Variants in SMAD4 observed in about 807,000 individuals in gnomAD.
SMAD4 encodes MAD homolog 4.
A neutral mutation model predicts 63.2 loss-of-function variants in SMAD4; 7 were observed. That is an observed-to-expected ratio of 0.11 (90% confidence interval 0.06 to 0.21). SMAD4 has a LOEUF of 0.21. Ranked by LOEUF, SMAD4 falls within the 10% of genes least tolerant of loss-of-function variation. SMAD4 has a pLI of 1.00. For missense variants in SMAD4, 312 were observed against 693.8 expected (o/e 0.45, Z 6.18); for synonymous variants, 215 against 235.4 (o/e 0.91, Z 0.79).
intron 10 of SMAD4, among the ~76,000 whole-genome samples, chr18:51,073,384 TATATACACACACACAC>T (rs935778182): frequency 4.7e-5 from 4 of 85,742 alleles, no homozygotes; most frequent in South Asian, 3.8e-4. Context: ...TATATATATA[TATATACACACACACAC>T]ACACACACAC....
rs1706888955 is a variant in SMAD4 at position 51,073,404 on chromosome 18, C to CACAA, written c.1309-3231_1309-3230insAACA. Among the ~76,000 whole-genome samples the CACAA allele has an allele frequency of 3.0e-5, 4 of 134,062 alleles. No individual in the cohort carries two copies. The South Asian group carries it at 1.0e-3, about 34-fold the overall frequency. The allele number at this position is 134,062 out of a possible 152,430, so 87.9% of individuals were successfully genotyped here. A position where few individuals can be genotyped will look rare whatever the true frequency, so the allele number is the denominator to read the frequency against. ...ATATATATATACACACACACACACA[C>CACAA]ACACACACACACACACACACACACA... On this transcript the variant is annotated intron_variant, in intron 10 of 11. Transcript: ENST00000342988.
At chr18:51,042,433 G>A (rs1226390910) in intron 1 of SMAD4, among the ~76,000 whole-genome samples, 3 of 147,582 alleles carry the variant, frequency 2.0e-5, no homozygotes, top group Non-Finnish European at 3.0e-5. Context: ...GTGCAGTGGC[G>A]TGATCTTGGC....
intron 1 of SMAD4, among the ~76,000 whole-genome samples, chr18:51,041,033 A>G (rs1438845244): frequency 6.6e-6 from 1 of 151,984 alleles, no homozygotes; most frequent in African/African-American, 2.4e-5. Context: ...AGTCTTTTCT[A>G]CCTAGAAATA....
chr18:51,033,239 G>A (rs1215988827), intron 1 of SMAD4, among the ~76,000 whole-genome samples: 1 of 148,304 alleles, frequency 6.7e-6, no homozygotes, highest in Non-Finnish European at 1.5e-5. Flanking sequence ...GTCCAGGCTG[G>A]AGTGCAGAGG....
intron 1 of SMAD4, among the ~76,000 whole-genome samples, chr18:51,042,142 A>C (rs956649896): frequency 6.6e-6 from 1 of 152,190 alleles, no homozygotes; most frequent in African/African-American, 2.4e-5. Flanking sequence ...ACAGCGAATA[A>C]TTATCTTGCA....
chr18:51,042,599 G>GTCCTT (rs1909420646), intron 1 of SMAD4, among the ~76,000 whole-genome samples: 1 of 184 alleles, frequency 5.4e-3, no homozygotes, highest in Admixed American at 0.045. Context: ...CCTGGCAACC[G>GTCCTT]TGCCTTTGTT....
At chr18:51,057,003 G>A (rs1342211615) in intron 5 of SMAD4, among the ~76,000 whole-genome samples, 1 of 152,092 alleles carries the variant, frequency 6.6e-6, no homozygotes, top group African/African-American at 2.4e-5. Flanking sequence ...TGCAGAATCT[G>A]GGGGATGAGT....
chr18:51,036,929 G>T (rs1909222957), intron 1 of SMAD4, among the ~76,000 whole-genome samples: 1 of 152,204 alleles, frequency 6.6e-6, no homozygotes, highest in Non-Finnish European at 1.5e-5. Flanking sequence ...AGGCCAAGGG[G>T]GGTGCGGATT....
chr18:51,056,381 A>G (rs1001118191), intron 5 of SMAD4, among the ~76,000 whole-genome samples: 1 of 152,176 alleles, frequency 6.6e-6, no homozygotes, highest in Non-Finnish European at 1.5e-5. Flanking sequence ...TAGAAATGAA[A>G]TGCAGCTAAT....
chr18:51,070,727 C>A (rs563416736), intron 10 of SMAD4, among the ~76,000 whole-genome samples: 1 of 152,044 alleles, frequency 6.6e-6, no homozygotes, highest in Non-Finnish European at 1.5e-5. Context: ...GATGTAAAAC[C>A]TTTTGCCAGC....
rs779811141 is a variant in SMAD4 at position 51,046,950 on chromosome 18, C to T, written c.-97C>T. ...CCTGAATACATGTCTAACAATTTTCCTTGCAACGTTAGCTGTTGTTTTTCA... is the reference window on the plus strand; with the variant it reads ...CCTGAATACATGTCTAACAATTTTCTTTGCAACGTTAGCTGTTGTTTTTCA... On this transcript the variant is annotated 5_prime_UTR_variant, in exon 2 of 12. Transcript: ENST00000342988. 1.8e-6 allele frequency: 2 copies of T among 1,086,806 alleles called. No homozygotes were observed. Among genetic ancestry groups the T allele is most frequent in the Admixed American group, 3.8e-5 (2 of 52,672 alleles). The allele number at this position is 1,086,806 out of a possible 1,614,324, so 67.3% of individuals were successfully genotyped here. A position where few individuals can be genotyped will look rare whatever the true frequency, so the allele number is the denominator to read the frequency against.
At chr18:51,039,493 C>G (rs1909309181) in intron 1 of SMAD4, among the ~76,000 whole-genome samples, 1 of 132,368 alleles carries the variant, frequency 7.6e-6, no homozygotes, top group Admixed American at 7.7e-5. Flanking sequence ...CCCCCCACCC[C>G]CCCACCCCCC....
intron 1 of SMAD4, among the ~76,000 whole-genome samples, chr18:51,037,691 G>A (rs1909245182): frequency 6.6e-6 from 1 of 152,214 alleles, no homozygotes; most frequent in Admixed American, 6.5e-5. Context: ...AAAAGCACTT[G>A]TGTTATTGAG....
chr18:51,042,289 CTCCCTCCCTCCT>C lies in SMAD4; in HGVS notation c.-127-4619_-127-4608del, dbSNP rs1269398672. Reference sequence around the variant, plus strand: ...ATTCATTTTTTTCTTGCCTGCCTGCCTCCCTCCCTCCTTCCCTCCCTCCCTCCCTCCCTCCCT... The same window carrying C: ...ATTCATTTTTTTCTTGCCTGCCTGCCTCCCTCCCTCCCTCCCTCCCTCCCT... On this transcript the variant is annotated intron_variant, in intron 1 of 11. Coordinates refer to ENST00000342988, the MANE Select transcript of SMAD4 (RefSeq NM_005359.6). Among the ~76,000 whole-genome samples, 433 of 69,160 alleles carry C rather than the reference CTCCCTCCCTCCT, an allele frequency of 6.3e-3. 8 individuals are homozygous for C. The highest frequency in any genetic ancestry group is 9.4e-3 in the South Asian group (26 of 2,760). The allele number at this position is 69,160 out of a possible 152,430, so 45.4% of individuals were successfully genotyped here.
chr18:51,066,762 T>C, intron 9 of SMAD4: 1 of 407,046 alleles, frequency 2.5e-6, no homozygotes, highest in South Asian at 2.7e-5. Flanking sequence ...TAATAGTACT[T>C]GTTGAGTTGT....
chr18:51,046,892 G>A (rs1909558561), intron 1 of SMAD4, 28 bp from the exon 2 acceptor site: 2 of 651,318 alleles, frequency 3.1e-6, no homozygotes, highest in South Asian at 1.9e-5. Flanking sequence ...GTGTTCTGAT[G>A]TGTGTCTTTT....
chr18:51,062,418 C>G (rs954016534), intron 8 of SMAD4, among the ~76,000 whole-genome samples: 8 of 152,054 alleles, frequency 5.3e-5, no homozygotes, highest in Admixed American at 5.2e-4. Context: ...CTGTCAAAAC[C>G]TCTTTCCTTC....
rs397787293 is a variant in SMAD4, at chr18:51,040,436, A to AT, written c.-127-6480dup. Among the ~76,000 whole-genome samples the AT allele has an allele frequency of 9.2e-5, 14 of 151,968 alleles. No homozygotes were observed. The South Asian group carries it at 2.3e-3, about 25-fold the overall frequency. On this transcript the variant is annotated intron_variant, in intron 1 of 11. Coordinates refer to ENST00000342988, the MANE Select transcript of SMAD4 (RefSeq NM_005359.6). ...AACTCTGTCTCAAAAAAAAAAAAAA[A>AT]TTTTAAGCACTTTTCTCAAATATTC... is the stretch of plus-strand genomic sequence containing the variant.
At chr18:51,071,710 C>T (rs1910322664) in intron 10 of SMAD4, among the ~76,000 whole-genome samples, 1 of 152,122 alleles carries the variant, frequency 6.6e-6, no homozygotes, top group Non-Finnish European at 1.5e-5. Flanking sequence ...GCAGTCATTA[C>T]TACTCAATTT....
Sources: gnomAD v4.1 joint callset for allele counts (sites outside exome capture counted in the v4.1 genomes callset) on GRCh38, gnomAD v4.1.1 for gene constraint, MANE v1.5 for transcripts, NCBI Gene and HGNC (gene_info 2026-07-23, HGNC 2026-07-21) for gene names.